Variants in CHD5 observed in about 807,000 individuals in gnomAD.
CHD5 encodes the protein ATP-dependent chromatin remodeler CHD5.
CHD5 carries 69 observed loss-of-function variants against 230.3 expected under a neutral mutation model. The ratio of observed to expected loss-of-function variants is 0.30; its 90% confidence interval spans 0.25 to 0.37. The LOEUF is 0.37. Ranked by LOEUF, CHD5 falls within the 10% of genes least tolerant of loss-of-function variation. The pLI is 1.00. For missense variants in CHD5, 1,827 were observed against 2,622.8 expected (o/e 0.70, Z 6.63); for synonymous variants, 1,064 against 1,065.9 (o/e 1.00, Z 0.03).
At chr1:6,153,540 C>CAAA (rs1667037419) in intron 5 of CHD5, among the ~76,000 whole-genome samples, 2 of 152,172 alleles carry the variant, frequency 1.3e-5, no homozygotes, top group Admixed American at 1.3e-4. Context: ...CCATCAAAAC[C>CAAA]CAAATCAGCC....
Position 6,152,500 on chromosome 1 carries a change from T to C in CHD5, c.782A>G (p.Asp261Gly). ...TTTCCCTTTGCCCTTTTTCTTCCCATCTTTGGAGCCTTTGATCTTCTTCCT... is the reference window on the plus strand; with the variant it reads ...TTTCCCTTTGCCCTTTTTCTTCCCACCTTTGGAGCCTTTGATCTTCTTCCT... ...GVRKKIKGSKDGKKKGKGKKT... is the reference protein window; with the variant it reads ...GVRKKIKGSKGGKKKGKGKKT... The change falls in exon 6 of 42, where the codon GAT becomes GGT. Residue 261 changes from aspartate (D) to glycine (G), a missense_variant. Physicochemically the swap from Asp to Gly is moderately conservative, Grantham distance 94 (BLOSUM62 -1). Transcript: ENST00000262450. The C allele has an allele frequency of 6.2e-7, 1 of 1,614,126 alleles. No individual in the cohort carries two copies. The highest frequency in any genetic ancestry group is 8.5e-7 in the Non-Finnish European group (1 of 1,180,036).
Position 6,129,397 on chromosome 1 carries a change from G to C in CHD5, c.3388-328C>G, listed in dbSNP as rs1394692641. Among the ~76,000 whole-genome samples the C allele has an allele frequency of 6.6e-6, 1 of 152,158 alleles. No individual in the cohort carries two copies. Among genetic ancestry groups the C allele is most frequent in the Non-Finnish European group, 1.5e-5 (1 of 68,012 alleles). ...ACTGAAGCCACACAGAGCTTCGTGG[G>C]GGCCACGGGGAGGTAGGAGGCTGCA... On this transcript the variant is annotated intron_variant, in intron 22 of 41. Coordinates refer to ENST00000262450, the MANE Select transcript of CHD5 (RefSeq NM_015557.3). This position sits in a 1 kb window ranked among gnomAD's most constrained non-coding sequence, Gnocchi z 6.8.
chr1:6,161,867 C>T (rs990265522), intron 2 of CHD5, among the ~76,000 whole-genome samples: 2 of 152,194 alleles, frequency 1.3e-5, no homozygotes, highest in African/African-American at 4.8e-5. Flanking sequence ...CCCTGGGTGG[C>T]CTTCAGCTGC....
intron 38 of CHD5, among the ~76,000 whole-genome samples, chr1:6,107,883 GGGGTGGAA>G (rs1666219089): frequency 7.0e-6 from 1 of 143,164 alleles, no homozygotes; most frequent in Non-Finnish European, 1.5e-5. Context: ...GAGGGATGGA[GGGGTGGAA>G]GGATGGAGAG....
intron 1 of CHD5, among the ~76,000 whole-genome samples, chr1:6,178,089 T>G (rs1408173639): frequency 1.3e-5 from 2 of 152,082 alleles, no homozygotes; most frequent in African/African-American, 4.8e-5. Flanking sequence ...CAGCTGGCCT[T>G]GCTGATGGAT....
rs761021667 is a variant in CHD5, at chr1:6,121,158, T to C, written c.4859A>G (p.Glu1620Gly). The change falls in exon 33 of 42, where the codon GAG (glutamate) becomes GGG (glycine). Residue 1620 changes from glutamate to glycine, a missense_variant. This residue lies in a region of CHD5 where 272 missense variants were observed against 263.2 expected (regional missense o/e 1.03). Transcript: ENST00000262450. This position sits in a 1 kb window ranked among gnomAD's most constrained non-coding sequence, Gnocchi z 4.5. ...GGCCTTCTCCGTCTCCTCTGGCCGC[T>C]CCTCTCGGGCTCTCTCCTTGCTGGC... ...SPASKERARE[E>G]RPEETEKAPP... is the part of the protein sequence containing the mutation. 2 of 1,613,820 alleles carry C rather than the reference T, an allele frequency of 1.2e-6. No individual in the cohort carries two copies. The highest frequency in any genetic ancestry group is 1.1e-5 in the South Asian group (1 of 91,070).
In CHD5 at chr1:6,154,905, G is replaced by T. The variant is rs201228490; in HGVS notation, c.507-7C>A. ...CTTCTTGGCAATGAGTGGCCTGTAGGGGGAGAGGCAGGAGGGTGAGGGCAA... is the reference window on the plus strand; with the variant it reads ...CTTCTTGGCAATGAGTGGCCTGTAGTGGGAGAGGCAGGAGGGTGAGGGCAA... On this transcript the variant is annotated splice_region_variant and splice_polypyrimidine_tract_variant and intron_variant, in intron 4 of 41. Coordinates refer to ENST00000262450, the MANE Select transcript of CHD5 (RefSeq NM_015557.3). This position sits in a 1 kb window ranked among gnomAD's most constrained non-coding sequence, Gnocchi z 7.0. 463 of 1,612,122 alleles carry T rather than the reference G, an allele frequency of 2.9e-4. 2 individuals are homozygous for T. In the Admixed American group the frequency reaches 7.5e-3, roughly 26 times the overall value.
chr1:6,106,874 G>A (rs1666179905), intron 38 of CHD5, 95 bp from the exon 39 acceptor site: 2 of 868,246 alleles, frequency 2.3e-6, no homozygotes, highest in African/African-American at 2.0e-5. Flanking sequence ...GTGGAGGGGT[G>A]GAGGGGTGGA....
At chr1:6,120,903 C>CA (rs150515182) in intron 33 of CHD5, among the ~76,000 whole-genome samples, 8,298 of 141,540 alleles carry the variant, frequency 0.059, 411 homozygotes, top group East Asian at 0.25. Flanking sequence ...ACCCTTTCTC[C>CA]AAAAAAAAAA....
intron 29 of CHD5, 130 bp from the exon 30 acceptor site, chr1:6,124,791 G>C: frequency 2.8e-6 from 2 of 702,794 alleles, no homozygotes; most frequent in South Asian, 3.7e-5. Context: ...GTCAGGCCTG[G>C]GCCAGGCCCG....
At chr1:6,113,393 C>T in intron 33 of CHD5, 1 of 403,340 alleles carries the variant, frequency 2.5e-6, no homozygotes, top group Non-Finnish European at 5.0e-6. Flanking sequence ...CACTGCACTC[C>T]AGCCTGAGTG....
chr1:6,171,631 C>T (rs2100885451), intron 1 of CHD5, among the ~76,000 whole-genome samples: 1 of 152,338 alleles, frequency 6.6e-6, no homozygotes, highest in African/African-American at 2.4e-5. Flanking sequence ...GGTCACCATA[C>T]AAGCAACTGC....
rs1277103005 is a variant in CHD5, at chr1:6,130,535, G to T, written c.3263-207C>A. ...CCTGCCCAAGCCCACTTAGCCCCCAGCGAGCTCTGAGCCCTAGTGCAGTGG... is the reference window on the plus strand; with the variant it reads ...CCTGCCCAAGCCCACTTAGCCCCCATCGAGCTCTGAGCCCTAGTGCAGTGG... On this transcript the variant is annotated intron_variant, in intron 21 of 41. Coordinates refer to ENST00000262450, the MANE Select transcript of CHD5 (RefSeq NM_015557.3). The surrounding 1 kb of genome is among the most constrained non-coding windows in gnomAD (Gnocchi z 4.9). Among the ~76,000 whole-genome samples the T allele has an allele frequency of 1.3e-5, 2 of 152,146 alleles. No homozygotes were observed. The highest frequency in any genetic ancestry group is 1.3e-4 in the Admixed American group (2 of 15,280).
rs575953798 is a variant in CHD5, at chr1:6,143,271, G to A, written c.2043+552C>T. On this transcript the variant is annotated intron_variant, in intron 13 of 41. Transcript: ENST00000262450. ...TTGCCTCAAACTTCTGGGTTCAAGC[G>A]GTCCTCCCACCCCGGCCTCCCACAG... Among the ~76,000 whole-genome samples, 6 of 152,110 alleles carry A rather than the reference G, an allele frequency of 3.9e-5. No homozygotes were observed. In the East Asian group the frequency reaches 5.8e-4, roughly 15 times the overall value.
Position 6,130,157 on chromosome 1 carries a change from G to A in CHD5, c.3387+47C>T, listed in dbSNP as rs763114516. ...GAAGGACAGAACCTGCCTGAGGCCC[G>A]GGATGAGAGGCCCCCTGGGAGGGTG... On this transcript the variant is annotated intron_variant, in intron 22 of 41. Transcript: ENST00000262450. This position sits in a 1 kb window ranked among gnomAD's most constrained non-coding sequence, Gnocchi z 4.9. The A allele has an allele frequency of 4.4e-5, 71 of 1,608,478 alleles. No homozygotes were observed. Among genetic ancestry groups the A allele is most frequent in the Non-Finnish European group, 5.5e-5 (65 of 1,176,056 alleles).
chr1:6,152,278 A>C, intron 6 of CHD5, 134 bp downstream of exon 6: 1 of 920,612 alleles, frequency 1.1e-6, no homozygotes, highest in Non-Finnish European at 1.6e-6. Context: ...GGATGGAAGG[A>C]GAATAGTGGA....
intron 25 of CHD5, 137 bp downstream of exon 25, chr1:6,127,909 C>T: frequency 1.4e-6 from 1 of 708,604 alleles, no homozygotes; most frequent in South Asian, 1.8e-5. Flanking sequence ...GGGGCTGCGG[C>T]TGGAGGGCGG....
chr1:6,106,279 G>A lies in CHD5; in HGVS notation c.*1C>T, dbSNP rs1229155793. 26 of 1,612,704 alleles carry A rather than the reference G, an allele frequency of 1.6e-5. No individual in the cohort carries two copies. The highest frequency in any genetic ancestry group is 2.2e-5 in the Non-Finnish European group (26 of 1,179,982). ...GCAACACAGGGAAGTCTCGAGGACGGCTAGATATCTGTCAAAAAAAGAGGA... is the reference window on the plus strand; with the variant it reads ...GCAACACAGGGAAGTCTCGAGGACGACTAGATATCTGTCAAAAAAAGAGGA... On this transcript the variant is annotated 3_prime_UTR_variant, in exon 41 of 42. Coordinates refer to ENST00000262450, the MANE Select transcript of CHD5 (RefSeq NM_015557.3).
intron 38 of CHD5, among the ~76,000 whole-genome samples, chr1:6,109,383 T>C (rs1666248906): frequency 6.6e-6 from 1 of 152,214 alleles, no homozygotes; most frequent in Non-Finnish European, 1.5e-5. Context: ...ACCAAAGCTC[T>C]GAATCCTGGG....
Sources: gnomAD v4.1 joint callset for allele counts (sites outside exome capture counted in the v4.1 genomes callset) on GRCh38, gnomAD v4.1.1 for gene constraint, gnomAD v4.1.1 regional missense constraint, Gnocchi (gnomAD v3.1) non-coding constraint, MANE v1.5 for transcripts, NCBI Gene and HGNC (gene_info 2026-07-23, HGNC 2026-07-21) for gene names.